Variants in SLC14A2 observed in about 807,000 individuals in gnomAD.
SLC14A2 encodes solute carrier family 14 member 2, also known as urea transporter 2.
Under a neutral mutation model 104.6 loss-of-function variants are expected in SLC14A2, and 91 were observed. The ratio of observed to expected loss-of-function variants is 0.87; its 90% CI spans 0.73 to 1.04. The LOEUF (loss-of-function observed/expected upper bound fraction) is 1.04. Ranked by LOEUF, SLC14A2 falls within the 50% of genes least tolerant of loss-of-function variation. The pLI is 0.00. For synonymous variants in SLC14A2, 476 were observed against 466.4 expected, an observed-to-expected ratio of 1.02 and a Z score of -0.27; for missense variants, 1,189 against 1,156.0, an observed-to-expected ratio of 1.03 and a Z score of -0.41.
chr18:45,230,601 G>T (rs2084165414), intron 1 of SLC14A2, among the ~76,000 whole-genome samples: 1 of 152,158 alleles, frequency 6.6e-6, no homozygotes, highest in Non-Finnish European at 1.5e-5. Flanking sequence ...AATCACATCT[G>T]CAGGTTTCTT....
At chr18:45,435,754 T>C (rs1219046799) in intron 1 of SLC14A2, among the ~76,000 whole-genome samples, 1 of 152,190 alleles carries the variant, frequency 6.6e-6, no homozygotes, top group Non-Finnish European at 1.5e-5. Flanking sequence ...TCAAGAGCCT[T>C]AATAACTAGG....
At chr18:45,185,751 T>C in the SLC14A2 span, among the ~76,000 whole-genome samples, 2 of 152,068 alleles carry the variant, frequency 1.3e-5, no homozygotes, top group African/African-American at 4.8e-5. Flanking sequence ...TAATGAAATA[T>C]ATGAAAAAGT....
Position 45,352,608 on chromosome 18 carries a change from G to A in SLC14A2, c.-124-130625G>A, listed in dbSNP as rs115940961. ...GCCCCTGTAGAGCTTACAACCCATC[G>A]AGAGAGACAGACATTAGCCAAATAC... On this transcript the variant is annotated intron_variant, in intron 1 of 20. Transcript: ENST00000586448. Among the ~76,000 whole-genome samples the A allele has an allele frequency of 1.6e-3, 236 of 152,180 alleles. 1 individual carries two copies. Among genetic ancestry groups the A allele is most frequent in the African/African-American group, 5.4e-3 (223 of 41,520 alleles).
intron 1 of SLC14A2, among the ~76,000 whole-genome samples, chr18:45,437,023 C>T (rs1417280197): frequency 6.6e-6 from 1 of 152,116 alleles, no homozygotes; most frequent in Non-Finnish European, 1.5e-5. Context: ...GACTGGAGCC[C>T]CTCTTCTGAA....
intron 2 of SLC14A2, among the ~76,000 whole-genome samples, chr18:45,568,151 C>T (rs995253206): frequency 5.3e-5 from 8 of 152,250 alleles, no homozygotes; most frequent in African/African-American, 1.9e-4. Context: ...TCATCATGAG[C>T]AGCCTCCCTC....
chr18:45,422,363 C>T lies in SLC14A2; in HGVS notation c.-124-60870C>T, dbSNP rs1338074449. On this transcript the variant is annotated intron_variant, in intron 1 of 20. Coordinates refer to the SLC14A2 transcript ENST00000586448. ...ATAACTGGATTTGGGAGCTGTAAGA[C>T]AGGGAAGGTAAGAAGAAGAGAGGCA... Among the ~76,000 whole-genome samples the T allele has an allele frequency of 2.6e-5, 4 of 152,086 alleles. No individual in the cohort carries two copies. The East Asian group carries it at 7.7e-4, about 29-fold the overall frequency.
At position 45,249,341 on chromosome 18, in the gene SLC14A2, T is replaced by C. The variant is rs562393262; in HGVS notation, c.-125+36150T>C. On this transcript the variant is annotated intron_variant, in intron 1 of 20. Transcript: ENST00000586448. Reference sequence around the variant, plus strand: ...GCAAAGGGTGGAGTATTGCTAACTGTGTGTGTGTGCCTGTGTGTGTGCTGA... The same window carrying C: ...GCAAAGGGTGGAGTATTGCTAACTGCGTGTGTGTGCCTGTGTGTGTGCTGA... 2.6e-5 allele frequency among the ~76,000 whole-genome samples: 4 copies of C among 151,788 alleles called. No homozygotes were observed. The East Asian group carries it at 5.8e-4, about 22-fold the overall frequency.
chr18:45,558,815 G>A (rs568617521), intron 2 of SLC14A2, among the ~76,000 whole-genome samples: 5 of 151,824 alleles, frequency 3.3e-5, no homozygotes, highest in East Asian at 1.9e-4. Flanking sequence ...TTTTTGAGAC[G>A]GAGTCTCACT....
chr18:45,343,897 C>T (rs948846674), intron 1 of SLC14A2, among the ~76,000 whole-genome samples: 3 of 152,116 alleles, frequency 2.0e-5, no homozygotes. Context: ...TTTTGTGTGA[C>T]AGCAATATCT....
intron 1 of SLC14A2, among the ~76,000 whole-genome samples, chr18:45,455,586 A>T (rs1238430171): frequency 6.6e-6 from 1 of 152,076 alleles, no homozygotes; most frequent in Non-Finnish European, 1.5e-5. Flanking sequence ...TGGCACGTGT[A>T]TACCTACGTA....
intron 2 of SLC14A2, among the ~76,000 whole-genome samples, chr18:45,587,683 C>A (rs1024897424): frequency 6.6e-6 from 1 of 152,166 alleles, no homozygotes; most frequent in Non-Finnish European, 1.5e-5. Flanking sequence ...CTTAATCCAG[C>A]TCTCTGATTT....
intron 10 of SLC14A2, among the ~76,000 whole-genome samples, chr18:45,657,376 A>G (rs550995812): frequency 1.3e-5 from 2 of 151,796 alleles, no homozygotes; most frequent in African/African-American, 4.8e-5. Flanking sequence ...AGTCCCAGCT[A>G]CTCAGGAGGC....
At chr18:45,558,049 G>A (rs147609536) in intron 2 of SLC14A2, among the ~76,000 whole-genome samples, 2 of 152,244 alleles carry the variant, frequency 1.3e-5, no homozygotes, top group East Asian at 3.9e-4. Context: ...CTGTCTGCCA[G>A]GTAGCCTCTC....
At chr18:45,272,862 T>C (rs2084664783) in intron 1 of SLC14A2, among the ~76,000 whole-genome samples, 1 of 152,152 alleles carries the variant, frequency 6.6e-6, no homozygotes, top group Non-Finnish European at 1.5e-5. Context: ...AAATATCTCA[T>C]GTACCCCACA....
In SLC14A2 at chr18:45,625,720, A is replaced by C; in HGVS notation, c.188A>C (p.Lys63Thr). ...RSSNEDSHIV[K>T]IEKLNERSKR... is the part of the protein sequence containing the mutation. ...TCCAATGAAGACAGTCACATTGTGAAGATCGAAAAGCTCAATGAAAGGAGT... is the reference window on the plus strand; with the variant it reads ...TCCAATGAAGACAGTCACATTGTGACGATCGAAAAGCTCAATGAAAGGAGT... The change falls in exon 3 of 20, where the codon AAG becomes ACG. Residue 63 changes from lysine to threonine, a missense_variant. Transcript: ENST00000255226. The C allele has an allele frequency of 6.4e-7, 1 of 1,563,642 alleles. No individual in the cohort carries two copies. Among genetic ancestry groups the C allele is most frequent in the Non-Finnish European group, 8.6e-7 (1 of 1,160,240 alleles).
intron 16 of SLC14A2, among the ~76,000 whole-genome samples, chr18:45,672,465 G>A (rs1022781994): frequency 2.0e-5 from 3 of 151,432 alleles, no homozygotes; most frequent in Non-Finnish European, 4.4e-5. Context: ...GGAGGCGGAG[G>A]TTGCAGTGAG....
intron 2 of SLC14A2, among the ~76,000 whole-genome samples, chr18:45,564,636 G>A (rs1361211354): frequency 2.0e-5 from 3 of 152,200 alleles, no homozygotes; most frequent in South Asian, 2.1e-4. Flanking sequence ...ATGCCAGGGG[G>A]AAATATGCCA....
At chr18:45,212,798 T>C (rs2083972818), upstream of SLC14A2, among the ~76,000 whole-genome samples, 1 of 152,122 alleles carries the variant, frequency 6.6e-6, no homozygotes, top group Admixed American at 6.5e-5. Flanking sequence ...ATACACTCAC[T>C]TTAGTCCGTT....
chr18:45,233,298 T>A (rs1158568698), intron 1 of SLC14A2, among the ~76,000 whole-genome samples: 1 of 152,198 alleles, frequency 6.6e-6, no homozygotes, highest in Non-Finnish European at 1.5e-5. Flanking sequence ...TGATCTGTGC[T>A]CACATAACTA....
Sources: gnomAD v4.1 joint callset for allele counts (sites outside exome capture counted in the v4.1 genomes callset) on GRCh38, gnomAD v4.1.1 for gene constraint, MANE v1.5 for transcripts, NCBI Gene and HGNC (gene_info 2026-07-23, HGNC 2026-07-21) for gene names.